The following OFD1 variants were observed in gnomAD, a reference collection of about 807,000 sequenced individuals.
The protein encoded by OFD1 is centriole and centriolar satellite protein OFD1.
Under a neutral mutation model 81.4 loss-of-function variants are expected in OFD1, and 12 were observed. The observed-to-expected ratio is 0.15, with a 90% CI of 0.09 to 0.24. The LOEUF (loss-of-function observed/expected upper bound fraction) is 0.24. Ranked by LOEUF, OFD1 falls within the 10% of genes least tolerant of loss-of-function variation. The probability of loss-of-function intolerance (pLI) is 1.00; values close to 1 mark genes in which losing one functional copy is unlikely to be tolerated. For missense variants in OFD1, 685 were observed against 733.9 expected (o/e 0.93, Z 0.77); for synonymous variants, 256 against 263.7 (o/e 0.97, Z 0.28).
chrX:13,758,457 C>T lies in OFD1; in HGVS notation c.1654+9C>T, dbSNP rs200007045. 629 of 1,011,601 alleles carry T rather than the reference C, an allele frequency of 6.2e-4. No homozygotes were observed. Among genetic ancestry groups the T allele is most frequent in the Non-Finnish European group, 7.7e-4 (553 of 716,835 alleles). 83.4% of individuals were successfully genotyped at this position (1,011,601 alleles called of 1,213,427 possible). A position where few individuals can be genotyped will look rare whatever the true frequency, so the allele number is the denominator to read the frequency against. ...GAAGCAAACTCAGACAGGTTAGAGA[C>T]GTTTTAACCCATAAATATTTTTGTA... On this transcript the variant is annotated intron_variant, in intron 15 of 22. Coordinates refer to ENST00000340096, the MANE Select transcript of OFD1 (RefSeq NM_003611.3).
In OFD1 at chrX:13,736,513, G is replaced by T; in HGVS notation, c.147G>T (p.Met49Ile). The T allele has an allele frequency of 8.3e-7, 1 of 1,211,231 alleles. No individual in the cohort carries two copies. The highest frequency in any genetic ancestry group is 1.1e-6 in the Non-Finnish European group (1 of 895,074). The change falls in exon 3 of 23, where the codon ATG becomes ATT. Residue 49 changes from methionine to isoleucine, a missense_variant. Physicochemically the swap from Met to Ile is conservative, Grantham distance 10. Coordinates refer to ENST00000340096, the MANE Select transcript of OFD1 (RefSeq NM_003611.3). ...GAAACCAGCTAATTCATGAGTTGATGCACCCTGTATTGAGTGGAGAACTGC... is the reference window on the plus strand; with the variant it reads ...GAAACCAGCTAATTCATGAGTTGATTCACCCTGTATTGAGTGGAGAACTGC... ...QLRNQLIHEL[M>I]HPVLSGELQP...
At chrX:13,740,609 A>G (rs1041418020) in intron 5 of OFD1, among the ~76,000 whole-genome samples, 4 of 110,053 alleles carry the variant, frequency 3.6e-5, no homozygotes, top group East Asian at 2.8e-4. Flanking sequence ...CCTGGCCAAC[A>G]TGGTGAAACC....
At chrX:13,762,753 C>T (rs1187678795) in intron 18 of OFD1, among the ~76,000 whole-genome samples, 1 of 111,784 alleles carries the variant, frequency 8.9e-6, no homozygotes, top group African/African-American at 3.3e-5. Flanking sequence ...TGATGGAATA[C>T]AAGAATGTTT....
chrX:13,748,214 A>G (rs1429097190), intron 8 of OFD1, among the ~76,000 whole-genome samples: 1 of 112,447 alleles, frequency 8.9e-6, no homozygotes, highest in East Asian at 2.8e-4. Context: ...TTAGACTAAT[A>G]ACTTCAACCT....
chrX:13,734,388 G>C (rs964116479), upstream of OFD1: 21 of 290,498 alleles, frequency 7.2e-5, no homozygotes, highest in African/African-American at 1.4e-4. Flanking sequence ...ATGAGCCAGC[G>C]GAGGGCTGGC....
Position 13,760,370 on chromosome X carries a change from AG to A in OFD1, c.1911del (p.Glu637AspfsTer29). On this transcript the variant is annotated frameshift_variant, in exon 16 of 23. Transcript: ENST00000340096. LOFTEE classifies it high-confidence loss of function. Reference protein sequence around the residue: ...FVANTKARVKELQQEAERLEK... With the variant: ...FVANTKARVKXLQQEAERLEK... ...GCCAATACTAAGGCAAGGGTCAAAG[AG>A]CTTCAGCAAGAGGCCGAACGCTTGG... 1 of 1,211,094 alleles carries A rather than the reference AG, an allele frequency of 8.3e-7. No homozygotes were observed. The highest frequency in any genetic ancestry group is 1.1e-6 in the Non-Finnish European group (1 of 894,974).
chrX:13,751,537 T>C (rs1275980847), intron 10 of OFD1, among the ~76,000 whole-genome samples, 169 bp downstream of exon 10: 1 of 110,995 alleles, frequency 9.0e-6, no homozygotes, highest in East Asian at 2.8e-4. Flanking sequence ...GTTAGGATAG[T>C]TTTTAAAAGA....
At position 13,758,456 on chromosome X, in the gene OFD1, A is replaced by G. The variant is rs200767363; in HGVS notation, c.1654+8A>G. 4.2e-4 allele frequency: 439 copies of G among 1,036,164 alleles called. No homozygotes were observed. In the African/African-American group the frequency reaches 7.0e-3, roughly 17 times the overall value. 85.4% of individuals were successfully genotyped at this position (1,036,164 alleles called of 1,213,427 possible). On this transcript the variant is annotated splice_region_variant and intron_variant, in intron 15 of 22. Coordinates refer to ENST00000340096, the MANE Select transcript of OFD1 (RefSeq NM_003611.3). ...TGAAGCAAACTCAGACAGGTTAGAG[A>G]CGTTTTAACCCATAAATATTTTTGT...
chrX:13,752,620 T>G, intron 10 of OFD1: 1 of 885,470 alleles, frequency 1.1e-6, no homozygotes, highest in Non-Finnish European at 1.5e-6. Flanking sequence ...AGTTGCTGAA[T>G]TTTTAGGAAT....
chrX:13,716,317 T>TA, the OFD1 span: 12 of 556,732 alleles, frequency 2.2e-5, no homozygotes, highest in African/African-American at 2.6e-4. Flanking sequence ...AGGGTCCAGA[T>TA]AAACTCTTTT....
intron 22 of OFD1, 48 bp downstream of exon 22, chrX:13,768,833 ATT>A: frequency 9.5e-7 from 1 of 1,047,481 alleles, no homozygotes; most frequent in Non-Finnish European, 1.3e-6. Context: ...TTAATTGCTT[ATT>A]TTGTCAGCCA....
rs754315192 is a variant in OFD1 at position 13,762,530 on chromosome X, GA to G, written c.2488+90del. 5.1e-5 allele frequency: 30 copies of G among 591,340 alleles called. No homozygotes were observed. In the South Asian group the frequency reaches 7.6e-4, roughly 15 times the overall value. 48.7% of individuals were successfully genotyped at this position (591,340 alleles called of 1,213,427 possible). On this transcript the variant is annotated intron_variant, in intron 18 of 22. Coordinates refer to ENST00000340096, the MANE Select transcript of OFD1 (RefSeq NM_003611.3). ...TGAAACGTATCCATTGGTTTAAAAA[GA>G]AAAGCAGTTACAAATTGGGTCATTA...
chrX:13,737,264 T>TA (rs1569103974), intron 3 of OFD1, among the ~76,000 whole-genome samples: 1 of 111,479 alleles, frequency 9.0e-6, no homozygotes, highest in African/African-American at 3.3e-5. Context: ...TTTTTTTTTT[T>TA]ACTACTTTTC....
At chrX:13,734,336 C>G (rs185605225), upstream of OFD1, among the ~76,000 whole-genome samples, 30 of 112,052 alleles carry the variant, frequency 2.7e-4, no homozygotes, top group East Asian at 1.1e-3. Context: ...GAAACCACAG[C>G]CCCCGAGAGG....
intron 16 of OFD1, 125 bp downstream of exon 16, chrX:13,760,845 C>G: frequency 5.3e-6 from 5 of 934,955 alleles, no homozygotes; most frequent in Non-Finnish European, 7.5e-6. Context: ...GCACACAGAG[C>G]TGTTTAGAGA....
At chrX:13,755,709 A>C (rs2047675874) in intron 12 of OFD1, among the ~76,000 whole-genome samples, 1 of 112,055 alleles carries the variant, frequency 8.9e-6, no homozygotes, top group Non-Finnish European at 1.9e-5. Flanking sequence ...ATTAAAACAA[A>C]ATGAGGTACA....
the OFD1 span, among the ~76,000 whole-genome samples, chrX:13,715,174 A>G: frequency 2.7e-5 from 3 of 113,016 alleles, no homozygotes; most frequent in Non-Finnish European, 5.6e-5. Flanking sequence ...ACTTATTTAA[A>G]TTATTAAAAA....
intron 19 of OFD1, among the ~76,000 whole-genome samples, chrX:13,764,239 T>C (rs2048038779): frequency 8.9e-6 from 1 of 112,604 alleles, no homozygotes; most frequent in East Asian, 2.8e-4. Context: ...AAAATTGAAA[T>C]AATAATTAAC....
chrX:13,725,497 G>A, the OFD1 span, among the ~76,000 whole-genome samples: 1 of 112,298 alleles, frequency 8.9e-6, no homozygotes, highest in African/African-American at 3.2e-5. Flanking sequence ...AACTCCAACA[G>A]ACCTGCAGCT....
Sources: allele counts gnomAD v4.1 joint callset (sites outside exome capture counted in the v4.1 genomes callset), GRCh38; gene constraint gnomAD v4.1.1; transcripts MANE v1.5; gene names NCBI Gene and HGNC (gene_info 2026-07-23, HGNC 2026-07-21).